Variants in TENT5A observed in about 807,000 individuals in gnomAD.
TENT5A encodes terminal nucleotidyltransferase 5A, also known as HBV X-transactivated gene 11 protein.
TENT5A carries 9 observed loss-of-function variants against 30.2 expected under a neutral mutation model. The observed-to-expected ratio is 0.30, with a 90% CI of 0.18 to 0.52. The LOEUF (loss-of-function observed/expected upper bound fraction) is 0.52, where lower values mean the gene tolerates loss of function less well. TENT5A is among the 20% of genes least tolerant of loss of function. The pLI, the probability that TENT5A is intolerant of heterozygous loss-of-function variation, is 0.97. For synonymous variants in TENT5A, 264 were observed against 234.2 expected (o/e 1.13, Z -1.16); for missense variants, 411 against 566.1 (o/e 0.73, Z 2.78).
At position 81,749,447 on chromosome 6, in the gene TENT5A, CT is replaced by C. The variant is rs796066113; in HGVS notation, c.*247del. 6 of 1,235,554 alleles carry C rather than the reference CT, an allele frequency of 4.9e-6. No individual in the cohort carries two copies. The highest frequency in any genetic ancestry group is 5.1e-6 in the Non-Finnish European group (5 of 988,730). 76.5% of individuals were successfully genotyped at this position (1,235,554 alleles called of 1,614,324 possible). On this transcript the variant is annotated 3_prime_UTR_variant, in exon 3 of 3. Transcript: ENST00000320172. ...TGGTTGCTTCTAATGACAGGTCTCTCTTTTTTTGCAGGATAGAATCCAATTG... is the reference window on the plus strand; with the variant it reads ...TGGTTGCTTCTAATGACAGGTCTCTCTTTTTTGCAGGATAGAATCCAATTG...
chr6:81,752,347 G>A, intron 1 of TENT5A, 84 bp downstream of exon 1: 1 of 1,533,590 alleles, frequency 6.5e-7, no homozygotes, highest in South Asian at 1.2e-5. Flanking sequence ...CCCCAGCCGC[G>A]CACCGCGCCC....
rs1026083309 is a variant in TENT5A at position 81,752,166 on chromosome 6, G to A, written c.-25C>T. The A allele has an allele frequency of 1.3e-6, 2 of 1,522,912 alleles. No homozygotes were observed. The highest frequency in any genetic ancestry group is 1.7e-4 in the Middle Eastern group (1 of 5,750). The allele number at this position is 1,522,912 out of a possible 1,614,324, so 94.3% of individuals were successfully genotyped here. ...TGTAGTGCCCGCCGAGCGCCACTTG[G>A]CCCTGGTCAGTCCTAAAAAGAAAGG... On this transcript the variant is annotated 5_prime_UTR_variant, in exon 2 of 3. Transcript: ENST00000320172.
At position 81,746,525 on chromosome 6, in the gene TENT5A, A is replaced by G; in HGVS notation, c.*3170T>C. 8.1e-7 allele frequency: 1 copy of G among 1,232,136 alleles called. No individual in the cohort carries two copies. 76.3% of individuals were successfully genotyped at this position (1,232,136 alleles called of 1,614,324 possible). A position where few individuals can be genotyped will look rare whatever the true frequency, so the allele number is the denominator to read the frequency against. On this transcript the variant is annotated 3_prime_UTR_variant, in exon 3 of 3. Coordinates refer to ENST00000320172, the MANE Select transcript of TENT5A (RefSeq NM_017633.3). ...AGCAGATACTTGATCCCATTTCTGG[A>G]AAGGAAATGTCCATCTTGGTGTAGG...
rs1768877953 is a variant in TENT5A, at chr6:81,746,018, T to G, written c.*3677A>C. 1 of 985,814 alleles carries G rather than the reference T, an allele frequency of 1.0e-6. No individual in the cohort carries two copies. Among genetic ancestry groups the G allele is most frequent in the Middle Eastern group, 5.2e-4 (1 of 1,914 alleles). 61.1% of individuals were successfully genotyped at this position (985,814 alleles called of 1,614,324 possible). On this transcript the variant is annotated 3_prime_UTR_variant, in exon 3 of 3. Transcript: ENST00000320172. ...GAGCCTCCTCCGTTCTGCAAGGCTT[T>G]GCAGCAAGTCTCGTTAACTTGACAT...
Position 81,747,754 on chromosome 6 carries a change from C to T in TENT5A, c.*1941G>A, listed in dbSNP as rs189039011. The stretch of plus-strand genomic sequence containing the variant: ...TGTTTCACAACACAAAGGGAAGGTT[C>T]TTATGTGTTAGTTTTGTTTTGTTTT... On this transcript the variant is annotated 3_prime_UTR_variant, in exon 3 of 3. Coordinates refer to ENST00000320172, the MANE Select transcript of TENT5A (RefSeq NM_017633.3). The T allele has an allele frequency of 4.7e-5, 46 of 985,750 alleles. No individual in the cohort carries two copies. The South Asian group carries it at 1.3e-3, about 27-fold the overall frequency. 61.1% of individuals were successfully genotyped at this position (985,750 alleles called of 1,614,324 possible).
rs778258935 is a variant in TENT5A, at chr6:81,746,179, G to T, written c.*3516C>A. ...AAAGAAAGATTATATTCAAATAGAT[G>T]CTATATATGAAATTACTTTTTTTGG... On this transcript the variant is annotated 3_prime_UTR_variant, in exon 3 of 3. Coordinates refer to ENST00000320172, the MANE Select transcript of TENT5A (RefSeq NM_017633.3). 25 of 1,028,438 alleles carry T rather than the reference G, an allele frequency of 2.4e-5. No homozygotes were observed. The highest frequency in any genetic ancestry group is 2.7e-5 in the Non-Finnish European group (23 of 856,968). 63.7% of individuals were successfully genotyped at this position (1,028,438 alleles called of 1,614,324 possible). A position where few individuals can be genotyped will look rare whatever the true frequency, so the allele number is the denominator to read the frequency against.
chr6:81,752,529 GCGACTT>G lies in TENT5A; in HGVS notation c.-142_-137del. ...TGCGAGCGCGCTCAGACAGCAAATAGCGACTTCGTCTTTCCCAGACCCCTGCCGCCT... is the reference window on the plus strand; with the variant it reads ...TGCGAGCGCGCTCAGACAGCAAATAGCGTCTTTCCCAGACCCCTGCCGCCT... On this transcript the variant is annotated 5_prime_UTR_variant, in exon 1 of 3. Transcript: ENST00000320172. 7.8e-7 allele frequency: 1 copy of G among 1,286,028 alleles called. No homozygotes were observed. The highest frequency in any genetic ancestry group is 1.1e-6 in the Non-Finnish European group (1 of 906,018). The allele number at this position is 1,286,028 out of a possible 1,614,324, so 79.7% of individuals were successfully genotyped here.
At position 81,748,700 on chromosome 6, in the gene TENT5A, A is replaced by G; in HGVS notation, c.*995T>C. On this transcript the variant is annotated 3_prime_UTR_variant, in exon 3 of 3. Transcript: ENST00000320172. ...CACACATACACATGTACCTATGATA[A>G]TATCAGATCAACAAATGTTAACTTT... is the stretch of plus-strand genomic sequence containing the variant. 1 of 978,834 alleles carries G rather than the reference A, an allele frequency of 1.0e-6. No individual in the cohort carries two copies. The highest frequency in any genetic ancestry group is 1.2e-6 in the Non-Finnish European group (1 of 823,586). 60.6% of individuals were successfully genotyped at this position (978,834 alleles called of 1,614,324 possible). A position where few individuals can be genotyped will look rare whatever the true frequency, so the allele number is the denominator to read the frequency against.
Position 81,749,740 on chromosome 6 carries a change from G to A in TENT5A, c.1284C>T (p.Phe428=), listed in dbSNP as rs145308758. ...TGGAGTAGGTCTGTTGCTGGCACGTGAATACTGGCTGAACCTGTGCAATGT... is the reference window on the plus strand; with the variant it reads ...TGGAGTAGGTCTGTTGCTGGCACGTAAATACTGGCTGAACCTGTGCAATGT... The part of the protein sequence containing the change: ...NYYIAQVQPV[F]TCQQQTYSTW... Residue 428 remains phenylalanine (F), a synonymous_variant, in exon 3 of 3, where the codon TTC becomes TTT. Coordinates refer to ENST00000320172, the MANE Select transcript of TENT5A (RefSeq NM_017633.3). 4.0e-4 allele frequency: 644 copies of A among 1,613,310 alleles called. 1 individual carries two copies. In the African/African-American group the frequency reaches 7.6e-3, roughly 19 times the overall value.
chr6:81,747,704 A>G lies in TENT5A; in HGVS notation c.*1991T>C. On this transcript the variant is annotated 3_prime_UTR_variant, in exon 3 of 3. Coordinates refer to ENST00000320172, the MANE Select transcript of TENT5A (RefSeq NM_017633.3). ...GAATTATCATAGCAAGCAGTCATCC[A>G]CTAAGGTTGTGGAGATTATGTGGTT... 1.0e-6 allele frequency: 1 copy of G among 985,840 alleles called. No individual in the cohort carries two copies. The highest frequency in any genetic ancestry group is 1.2e-6 in the Non-Finnish European group (1 of 829,914). The allele number at this position is 985,840 out of a possible 1,614,324, so 61.1% of individuals were successfully genotyped here. A position where few individuals can be genotyped will look rare whatever the true frequency, so the allele number is the denominator to read the frequency against.
rs1199284577 is a variant in TENT5A at position 81,752,679 on chromosome 6, T to G, written c.-286A>C. On this transcript the variant is annotated 5_prime_UTR_variant, in exon 1 of 3. Coordinates refer to ENST00000320172, the MANE Select transcript of TENT5A (RefSeq NM_017633.3). ...CGTGTCTCTGGAGCTTTAGCAGTTG[T>G]GCGGGGAAAATGTCTTCAGTACTTT... 1.4e-6 allele frequency: 1 copy of G among 717,640 alleles called. No homozygotes were observed. The highest frequency in any genetic ancestry group is 2.6e-6 in the Non-Finnish European group (1 of 385,374). The allele number at this position is 717,640 out of a possible 1,614,324, so 44.5% of individuals were successfully genotyped here. A position where few individuals can be genotyped will look rare whatever the true frequency, so the allele number is the denominator to read the frequency against.
rs1438882200 is a variant in TENT5A at position 81,748,913 on chromosome 6, C to T, written c.*782G>A. 7.1e-6 allele frequency: 7 copies of T among 984,276 alleles called. No individual in the cohort carries two copies. Among genetic ancestry groups the T allele is most frequent in the Non-Finnish European group, 8.4e-6 (7 of 828,526 alleles). 61.0% of individuals were successfully genotyped at this position (984,276 alleles called of 1,614,324 possible). On this transcript the variant is annotated 3_prime_UTR_variant, in exon 3 of 3. Transcript: ENST00000320172. Reference sequence around the variant, plus strand: ...TTGGTGTGTAACAAATATAATCTCTCTTCATATAGTCTACTATATCTCTTC... The same window carrying T: ...TTGGTGTGTAACAAATATAATCTCTTTTCATATAGTCTACTATATCTCTTC...
Position 81,751,880 on chromosome 6 carries a change from C to G in TENT5A, c.262G>C (p.Gly88Arg). The G allele has an allele frequency of 6.2e-7, 1 of 1,613,228 alleles. No individual in the cohort carries two copies. Among genetic ancestry groups the G allele is most frequent in the Non-Finnish European group, 8.5e-7 (1 of 1,179,920 alleles). The change falls in exon 2 of 3, where the codon GGC (glycine) becomes CGC (arginine). Residue 88 changes from glycine to arginine, a missense_variant. By Grantham distance (125) the Gly-to-Arg change is moderately radical. Coordinates refer to ENST00000320172, the MANE Select transcript of TENT5A (RefSeq NM_017633.3). Reference sequence around the variant, plus strand: ...TGCAGCTCGAGCGTGGGGAAGTTGCCGCGCCCGTGAATCGGAATGGTCTCG... The same window carrying G: ...TGCAGCTCGAGCGTGGGGAAGTTGCGGCGCCCGTGAATCGGAATGGTCTCG... ...LSETIPIHGR[G>R]NFPTLELQPS...
In TENT5A at chr6:81,750,040, G is replaced by A. The variant is rs1174877109; in HGVS notation, c.984C>T (p.Asp328=). 1.2e-6 allele frequency: 2 copies of A among 1,614,156 alleles called. No homozygotes were observed. Among genetic ancestry groups the A allele is most frequent in the East Asian group, 4.5e-5 (2 of 44,886 alleles). The change falls in exon 3 of 3, where the codon GAC becomes GAT. Residue 328 remains aspartate, a synonymous_variant. Transcript: ENST00000320172. This position sits in a 1 kb window ranked among gnomAD's most constrained non-coding sequence, Gnocchi z 4.2. ...MCSRFFIDFS[D]IGEQQRKLES... The stretch of plus-strand genomic sequence containing the variant: ...CCAGTTTTCTCTGCTGCTCTCCAAT[G>A]TCTGAGAAGTCGATGAAAAACCTGG...
In TENT5A at chr6:81,750,049, G is replaced by A. The variant is rs752648559; in HGVS notation, c.975C>T (p.Asp325=). 2 of 1,614,182 alleles carry A rather than the reference G, an allele frequency of 1.2e-6. No homozygotes were observed. The highest frequency in any genetic ancestry group is 1.1e-5 in the South Asian group (1 of 91,082). Residue 325 remains aspartate (D), a synonymous_variant, in exon 3 of 3, where the codon GAC becomes GAT. Coordinates refer to ENST00000320172, the MANE Select transcript of TENT5A (RefSeq NM_017633.3). The surrounding 1 kb of genome is among the most constrained non-coding windows in gnomAD (Gnocchi z 4.2). ...QRYMCSRFFI[D]FSDIGEQQRK... ...TCTGCTGCTCTCCAATGTCTGAGAA[G>A]TCGATGAAAAACCTGGAACACATAT... is the stretch of plus-strand genomic sequence containing the variant.
At position 81,748,291 on chromosome 6, in the gene TENT5A, A is replaced by G; in HGVS notation, c.*1404T>C. The G allele has an allele frequency of 5.1e-6, 5 of 984,302 alleles. No individual in the cohort carries two copies. The highest frequency in any genetic ancestry group is 6.0e-6 in the Non-Finnish European group (5 of 829,260). 61.0% of individuals were successfully genotyped at this position (984,302 alleles called of 1,614,324 possible). A position where few individuals can be genotyped will look rare whatever the true frequency, so the allele number is the denominator to read the frequency against. ...AGGAATGCAATTTTTTTTTTAATAA[A>G]TGGGTTCCAACTGTCAAAATGGCAG... On this transcript the variant is annotated 3_prime_UTR_variant, in exon 3 of 3. Transcript: ENST00000320172.
chr6:81,748,645 GTA>G lies in TENT5A; in HGVS notation c.*1048_*1049del. The G allele has an allele frequency of 2.3e-6, 2 of 872,904 alleles. No homozygotes were observed. The highest frequency in any genetic ancestry group is 1.8e-5 in the African/African-American group (1 of 55,062). The allele number at this position is 872,904 out of a possible 1,614,324, so 54.1% of individuals were successfully genotyped here. Reference sequence around the variant, plus strand: ...TACATATAAAATGTATATATAAAATGTATATATACACACACACATATAATTTA... The same window carrying G: ...TACATATAAAATGTATATATAAAATGTATATACACACACACATATAATTTA... On this transcript the variant is annotated 3_prime_UTR_variant, in exon 3 of 3. Transcript: ENST00000320172.
rs1768925800 is a variant in TENT5A at position 81,748,233 on chromosome 6, C to A, written c.*1462G>T. On this transcript the variant is annotated 3_prime_UTR_variant, in exon 3 of 3. Transcript: ENST00000320172. ...AGTCAGGGATTTAAGTAGCCTATTA[C>A]TGATCCATGATCCACTAGATTAAAC... The A allele has an allele frequency of 1.0e-6, 1 of 984,658 alleles. No homozygotes were observed. Among genetic ancestry groups the A allele is most frequent in the Admixed American group, 6.2e-5 (1 of 16,164 alleles). The allele number at this position is 984,658 out of a possible 1,614,324, so 61.0% of individuals were successfully genotyped here. A position where few individuals can be genotyped will look rare whatever the true frequency, so the allele number is the denominator to read the frequency against.
At position 81,748,982 on chromosome 6, in the gene TENT5A, ACTTT is replaced by A. The variant is rs1377586069; in HGVS notation, c.*709_*712del. ...TGTTAAATCTTTGGTCCTTGAGCAC[ACTTT>A]CTTTGTTACAGCTGTTTTTGCTTGC... On this transcript the variant is annotated 3_prime_UTR_variant, in exon 3 of 3. Transcript: ENST00000320172. The A allele has an allele frequency of 7.1e-6, 7 of 985,828 alleles. No homozygotes were observed. Among genetic ancestry groups the A allele is most frequent in the East Asian group, 2.3e-4 (2 of 8,814 alleles). The allele number at this position is 985,828 out of a possible 1,614,324, so 61.1% of individuals were successfully genotyped here.
Sources: gnomAD v4.1 joint callset for allele counts on GRCh38, gnomAD v4.1.1 for gene constraint, Gnocchi (gnomAD v3.1) non-coding constraint, MANE v1.5 for transcripts, NCBI Gene and HGNC (gene_info 2026-07-23, HGNC 2026-07-21) for gene names.